Variants in GLRA2 observed in about 807,000 individuals in gnomAD.
The protein encoded by GLRA2 is glycine receptor subunit alpha-2.
GLRA2 carries 11 observed loss-of-function variants against 31.6 expected under a neutral mutation model. That is an observed-to-expected ratio of 0.35 (90% CI 0.22 to 0.58). GLRA2 has a LOEUF of 0.58. Among genes scored for constraint, GLRA2 ranks in the 20% least tolerant of loss-of-function variants. GLRA2 has a pLI of 0.84. For missense variants in GLRA2, 212 were observed against 351.8 expected, an observed-to-expected ratio of 0.60 and a Z score of 3.18; for synonymous variants, 132 against 134.0, an observed-to-expected ratio of 0.99 and a Z score of 0.10.
the GLRA2 span, among the ~76,000 whole-genome samples, chrX:14,459,980 C>T: frequency 1.8e-5 from 2 of 111,362 alleles, no homozygotes; most frequent in South Asian, 3.8e-4. Context: ...CCAGTTTTTG[C>T]CCATTCAGTA....
the GLRA2 span, among the ~76,000 whole-genome samples, chrX:14,476,491 C>G: frequency 9.0e-6 from 1 of 111,474 alleles, no homozygotes; most frequent in Non-Finnish European, 1.9e-5. Flanking sequence ...AGCTCAAGTC[C>G]CAGCCTAGCG....
chrX:14,576,689 C>G (rs977694677), intron 3 of GLRA2, among the ~76,000 whole-genome samples: 5 of 112,117 alleles, frequency 4.5e-5, no homozygotes, highest in African/African-American at 1.6e-4. Flanking sequence ...TATGGATATC[C>G]TTGTTTTCTG....
At chrX:14,451,449 G>C in the GLRA2 span, among the ~76,000 whole-genome samples, 17 of 109,702 alleles carry the variant, frequency 1.5e-4, no homozygotes, top group South Asian at 3.6e-3. Context: ...TGGGCAACAC[G>C]GTAAAACCCA....
At chrX:14,516,291 T>G in the GLRA2 span, among the ~76,000 whole-genome samples, 513 of 112,024 alleles carry the variant, frequency 4.6e-3, 2 homozygotes, top group Non-Finnish European at 8.2e-3. Flanking sequence ...TAATCTGTCT[T>G]TAGCATTTAA....
Position 14,730,633 on chromosome X carries a change from G to GA in GLRA2, c.*156dup, listed in dbSNP as rs1171834825. The stretch of plus-strand genomic sequence containing the variant: ...GGGGTGGGTTTCCTGGCACCTACAT[G>GA]AAAAAAAAGACAAGTTATATGGGTG... On this transcript the variant is annotated 3_prime_UTR_variant, in exon 9 of 9. Coordinates refer to ENST00000218075, the MANE Select transcript of GLRA2 (RefSeq NM_002063.4). 27 of 440,310 alleles carry GA rather than the reference G, an allele frequency of 6.1e-5. No homozygotes were observed. The highest frequency in any genetic ancestry group is 8.2e-5 in the Non-Finnish European group (21 of 255,058). The allele number at this position is 440,310 out of a possible 1,213,427, so 36.3% of individuals were successfully genotyped here.
chrX:14,563,774 T>C (rs770376041), intron 2 of GLRA2, among the ~76,000 whole-genome samples: 38 of 110,344 alleles, frequency 3.4e-4, no homozygotes, highest in African/African-American at 1.2e-3. Flanking sequence ...TAAAGAAATA[T>C]AAATTGTAAA....
chrX:14,690,875 A>G lies in GLRA2; in HGVS notation c.1080+16A>G, dbSNP rs781075028. The G allele has an allele frequency of 8.3e-7, 1 of 1,205,596 alleles. No homozygotes were observed. The highest frequency in any genetic ancestry group is 1.1e-6 in the Non-Finnish European group (1 of 890,229). On this transcript the variant is annotated intron_variant, in intron 8 of 8. Coordinates refer to ENST00000218075, the MANE Select transcript of GLRA2 (RefSeq NM_002063.4). ...GCAGAATAAGGTATGATTGCCCCTCAGTTCAGACAATGTAGAGCTTGAGTT... is the reference window on the plus strand; with the variant it reads ...GCAGAATAAGGTATGATTGCCCCTCGGTTCAGACAATGTAGAGCTTGAGTT...
chrX:14,601,571 C>A (rs1003509584), intron 4 of GLRA2, among the ~76,000 whole-genome samples: 1 of 111,583 alleles, frequency 9.0e-6, no homozygotes, highest in African/African-American at 3.3e-5. Flanking sequence ...ATCCCACTAA[C>A]CAAAAATATA....
At chrX:14,676,907 G>A (rs1320742405) in intron 7 of GLRA2, among the ~76,000 whole-genome samples, 5 of 111,322 alleles carry the variant, frequency 4.5e-5, no homozygotes, top group African/African-American at 1.6e-4. Flanking sequence ...AATATTAATG[G>A]GAAACACCTC....
chrX:14,661,140 AC>A (rs2090986820), intron 7 of GLRA2, among the ~76,000 whole-genome samples: 1 of 112,163 alleles, frequency 8.9e-6, no homozygotes, highest in Non-Finnish European at 1.9e-5. Context: ...ACAGACACAT[AC>A]TTTTATGACG....
At chrX:14,488,038 A>C in the GLRA2 span, among the ~76,000 whole-genome samples, 1 of 111,535 alleles carries the variant, frequency 9.0e-6, no homozygotes, top group African/African-American at 3.3e-5. Context: ...GCTGCCATGA[A>C]GGTGGTAAAA....
the GLRA2 span, among the ~76,000 whole-genome samples, chrX:14,499,594 A>C: frequency 2.2e-4 from 24 of 111,374 alleles, no homozygotes; most frequent in Non-Finnish European, 3.8e-4. Context: ...TCCTAAGCAA[A>C]TTAATATGGA....
chrX:14,531,592 T>A (rs1293045304), intron 1 of GLRA2, among the ~76,000 whole-genome samples: 2 of 111,109 alleles, frequency 1.8e-5, no homozygotes, highest in Non-Finnish European at 3.8e-5. Context: ...ATATAAGCAT[T>A]TAATATATAA....
chrX:14,682,400 A>G (rs1056759629), intron 7 of GLRA2, among the ~76,000 whole-genome samples: 2 of 111,460 alleles, frequency 1.8e-5, no homozygotes, highest in Non-Finnish European at 3.8e-5. Context: ...AATAATAATT[A>G]GAATATATTA....
rs374444365 is a variant in GLRA2 at position 14,707,757 on chromosome X, G to GGTGTGT, written c.1080+16910_1080+16915dup. On this transcript the variant is annotated intron_variant, in intron 8 of 8. Coordinates refer to ENST00000218075, the MANE Select transcript of GLRA2 (RefSeq NM_002063.4). The stretch of plus-strand genomic sequence containing the variant: ...GTTTTCCTACTTTGACAGCAAAAAA[G>GGTGTGT]GTGTGTGTGTGTGTGTGCACGCGCG... Among the ~76,000 whole-genome samples, 766 of 106,184 alleles carry GGTGTGT rather than the reference G, an allele frequency of 7.2e-3. 6 individuals carry two copies. Among genetic ancestry groups the GGTGTGT allele is most frequent in the African/African-American group, 0.021 (595 of 29,017 alleles). 92.2% of individuals were successfully genotyped at this position (106,184 alleles called of 115,157 possible). A position where few individuals can be genotyped will look rare whatever the true frequency, so the allele number is the denominator to read the frequency against.
chrX:14,635,211 A>G (rs1473477113), intron 7 of GLRA2, among the ~76,000 whole-genome samples: 1 of 112,206 alleles, frequency 8.9e-6, no homozygotes, highest in Non-Finnish European at 1.9e-5. Context: ...TGGAATCACT[A>G]GTATCGTCAT....
At chrX:14,707,458 G>A (rs867774493) in intron 8 of GLRA2, among the ~76,000 whole-genome samples, 1 of 110,726 alleles carries the variant, frequency 9.0e-6, no homozygotes, top group Non-Finnish European at 1.9e-5. Flanking sequence ...TCTTCCTTTC[G>A]CCTGCTTTTT....
chrX:14,476,173 C>T, the GLRA2 span, among the ~76,000 whole-genome samples: 1 of 112,307 alleles, frequency 8.9e-6, no homozygotes, highest in Non-Finnish European at 1.9e-5. Context: ...CTGTATATTT[C>T]AGTCTCCTTT....
chrX:14,644,298 C>T (rs2090805927), intron 7 of GLRA2, among the ~76,000 whole-genome samples: 1 of 111,766 alleles, frequency 8.9e-6, no homozygotes, highest in Non-Finnish European at 1.9e-5. Flanking sequence ...GGTCACATCT[C>T]TTGCTTTGTT....
Sources: allele counts gnomAD v4.1 joint callset (sites outside exome capture counted in the v4.1 genomes callset), GRCh38; gene constraint gnomAD v4.1.1; transcripts MANE v1.5; gene names NCBI Gene and HGNC (gene_info 2026-07-23, HGNC 2026-07-21).